DDB1: variants seen among roughly 807,000 people sequenced by gnomAD.
DDB1 encodes damage specific DNA binding protein 1, also known as DNA damage-binding protein 1.
DDB1 carries 18 observed loss-of-function variants against 133.1 expected under a neutral mutation model. The ratio of observed to expected loss-of-function variants is 0.14; its 90% CI spans 0.09 to 0.20. The LOEUF (loss-of-function observed/expected upper bound fraction) is 0.20, where lower values mean the gene tolerates loss of function less well. Among genes scored for constraint, DDB1 ranks in the 10% least tolerant of loss-of-function variants. The pLI, the probability that DDB1 is intolerant of heterozygous loss-of-function variation, is 1.00. For missense variants in DDB1, 828 were observed against 1,459.2 expected (o/e 0.57, Z 7.05); for synonymous variants, 580 against 550.5 (o/e 1.05, Z -0.75).
Position 61,305,016 on chromosome 11 carries a change from C to G in DDB1, c.2662-981G>C, listed in dbSNP as rs1855862926. ...AAATGGAGAGCTACTTGGCACGGCCCAGTGCTAAAGAAGACAGACTCAACC... is the reference window on the plus strand; with the variant it reads ...AAATGGAGAGCTACTTGGCACGGCCGAGTGCTAAAGAAGACAGACTCAACC... On this transcript the variant is annotated intron_variant, in intron 21 of 26. Coordinates refer to ENST00000301764, the MANE Select transcript of DDB1 (RefSeq NM_001923.5). Among the ~76,000 whole-genome samples the G allele has an allele frequency of 2.0e-5, 3 of 152,224 alleles. No homozygotes were observed. In the South Asian group the frequency reaches 6.2e-4, roughly 32 times the overall value.
In DDB1 at chr11:61,300,040, G is replaced by C. The variant is rs925997619; in HGVS notation, c.*96C>G. 1.6e-6 allele frequency: 2 copies of C among 1,267,862 alleles called. No homozygotes were observed. Among genetic ancestry groups the C allele is most frequent in the Admixed American group, 1.8e-5 (1 of 56,380 alleles). The allele number at this position is 1,267,862 out of a possible 1,614,324, so 78.5% of individuals were successfully genotyped here. A position where few individuals can be genotyped will look rare whatever the true frequency, so the allele number is the denominator to read the frequency against. On this transcript the variant is annotated 3_prime_UTR_variant, in exon 27 of 27. Transcript: ENST00000301764. The stretch of plus-strand genomic sequence containing the variant: ...CTGGGGGCAGCTGGCTTAGGGAAAG[G>C]CCTCCCATGGCCAAGAAGACGATGG...
intron 5 of DDB1, 121 bp downstream of exon 5, chr11:61,326,658 A>G (rs1590698911): frequency 1.2e-6 from 1 of 806,394 alleles, no homozygotes; most frequent in Non-Finnish European, 2.2e-6. Flanking sequence ...AGTGGTAAAC[A>G]ATGCACACCT....
chr11:61,323,482 ACT>A (rs1856219506), intron 7 of DDB1: 1 of 258,826 alleles, frequency 3.9e-6, no homozygotes. Context: ...ACCATGGCTC[ACT>A]GACTGCAACA....
In DDB1 at chr11:61,319,425, CTTTCTTTTTT is replaced by C. The variant is rs1255830347; in HGVS notation, c.1225+2160_1225+2169del. The stretch of plus-strand genomic sequence containing the variant: ...CTGGTAGGGCTAACATGTCTCACTG[CTTTCTTTTTT>C]TTTCTTTTTTTTTTTGAGATGGAGT... On this transcript the variant is annotated intron_variant, in intron 10 of 26. Transcript: ENST00000301764. 7.2e-5 allele frequency among the ~76,000 whole-genome samples: 11 copies of C among 151,814 alleles called. No individual in the cohort carries two copies. In the East Asian group the frequency reaches 7.8e-4, roughly 11 times the overall value.
chr11:61,322,476 T>C (rs1377749131), intron 8 of DDB1, 64 bp from the exon 9 acceptor site: 7 of 1,227,348 alleles, frequency 5.7e-6, no homozygotes, highest in Admixed American at 5.1e-5. Context: ...CCAAAAGAGA[T>C]GGTTATTGTC....
At chr11:61,329,640 G>A in intron 3 of DDB1, 56 bp from the exon 4 acceptor site, 2 of 1,510,270 alleles carry the variant, frequency 1.3e-6, no homozygotes, top group Admixed American at 2.0e-5. Flanking sequence ...AGCAACAGAG[G>A]ACGCTGGGCA....
At chr11:61,322,466 C>G in intron 8 of DDB1, 54 bp from the exon 9 acceptor site, 2 of 1,316,354 alleles carry the variant, frequency 1.5e-6, no homozygotes, top group East Asian at 2.3e-5. Context: ...ACAGACCCAC[C>G]CAAAAGAGAT....
intron 9 of DDB1, chr11:61,321,943 G>T: frequency 1.8e-6 from 1 of 548,614 alleles, no homozygotes; most frequent in Non-Finnish European, 3.2e-6. Flanking sequence ...TAGATCGCTG[G>T]GACCTAGTTT....
Position 61,331,525 on chromosome 11 carries a change from C to T in DDB1, c.210+18G>A, listed in dbSNP as rs1159133753. On this transcript the variant is annotated intron_variant, in intron 2 of 26. Coordinates refer to ENST00000301764, the MANE Select transcript of DDB1 (RefSeq NM_001923.5). ...CAACAGTTCCCCCTCCACTGCTTGT[C>T]CCAACTGCAACACTTACCTTGGGCC... The T allele has an allele frequency of 6.2e-7, 1 of 1,610,032 alleles. No homozygotes were observed. The highest frequency in any genetic ancestry group is 1.3e-5 in the African/African-American group (1 of 74,848).
intron 1 of DDB1, 33 bp from the exon 2 acceptor site, chr11:61,331,724 A>T (rs1427891972): frequency 6.2e-7 from 1 of 1,611,852 alleles, no homozygotes; most frequent in African/African-American, 1.3e-5. Flanking sequence ...TTTTGAACTC[A>T]GGGGAAGGGC....
intron 21 of DDB1, among the ~76,000 whole-genome samples, chr11:61,306,549 C>T (rs1326714536): frequency 1.3e-5 from 2 of 151,742 alleles, no homozygotes; most frequent in Admixed American, 1.3e-4. Context: ...CTTCTAATAC[C>T]CTCACCTCTT....
chr11:61,316,191 T>C (rs746710391), intron 12 of DDB1, 94 bp downstream of exon 12: 3 of 1,064,920 alleles, frequency 2.8e-6, no homozygotes, highest in Non-Finnish European at 2.8e-6. Context: ...TTTGGAGCCA[T>C]AAAAATTGGT....
intron 20 of DDB1, 110 bp downstream of exon 20, chr11:61,309,686 G>T (rs1424789555): frequency 5.9e-6 from 7 of 1,180,940 alleles, no homozygotes; most frequent in Non-Finnish European, 8.4e-6. Context: ...TTACAGCAAT[G>T]AACCCAACTT....
chr11:61,309,744 G>C (rs1362998099), intron 20 of DDB1, 52 bp downstream of exon 20: 2 of 1,580,350 alleles, frequency 1.3e-6, no homozygotes, highest in East Asian at 2.2e-5. Context: ...ATGGCCTGCT[G>C]ACTTTCTCAG....
chr11:61,303,931 C>T lies in DDB1; in HGVS notation c.2766G>A (p.Leu922=), dbSNP rs1855842546. 2 of 1,614,008 alleles carry T rather than the reference C, an allele frequency of 1.2e-6. No individual in the cohort carries two copies. The highest frequency in any genetic ancestry group is 1.7e-6 in the Non-Finnish European group (2 of 1,179,996). Residue 922 remains leucine (L), a synonymous_variant, in exon 22 of 27, where the codon CTG becomes CTA. Coordinates refer to ENST00000301764, the MANE Select transcript of DDB1 (RefSeq NM_001923.5). ...LYLKTKGDFI[L]VGDLMRSVLL... ...GCACTGAGCGCATAAGGTCGCCCAC[C>T]AGGATGAAGTCGCCCTTGGTCTTCA...
Position 61,317,514 on chromosome 11 carries a change from CTTAT to C in DDB1, c.1226-951_1226-948del, listed in dbSNP as rs1229511336. Among the ~76,000 whole-genome samples, 11 of 152,062 alleles carry C rather than the reference CTTAT, an allele frequency of 7.2e-5. No homozygotes were observed. In the East Asian group the frequency reaches 1.7e-3, roughly 24 times the overall value. ...CTAAATTTATTTATTTATTTATTTA[CTTAT>C]TTATTTGAGACGGAGTCTTGCTCTG... On this transcript the variant is annotated intron_variant, in intron 10 of 26. Transcript: ENST00000301764.
At chr11:61,321,740 C>T (rs1856183989) in intron 9 of DDB1, 43 bp from the exon 10 acceptor site, 3 of 1,552,634 alleles carry the variant, frequency 1.9e-6, no homozygotes, top group African/African-American at 1.4e-5. Context: ...CCTCAAGATA[C>T]TGGGCCAGTC....
chr11:61,310,788 G>C (rs1855952755), intron 18 of DDB1: 1 of 168,480 alleles, frequency 5.9e-6, no homozygotes, highest in Non-Finnish European at 1.3e-5. Flanking sequence ...TACGGAGGGA[G>C]GTCCTATCGC....
At chr11:61,309,161 CA>C (rs1317772052) in intron 20 of DDB1, 84 bp from the exon 21 acceptor site, 1 of 1,322,836 alleles carries the variant, frequency 7.6e-7, no homozygotes, top group Non-Finnish European at 1.1e-6. Context: ...CCCTGTGGTA[CA>C]AATTCTTGCC....
Sources: gnomAD v4.1 joint callset for allele counts (sites outside exome capture counted in the v4.1 genomes callset) on GRCh38, gnomAD v4.1.1 for gene constraint, MANE v1.5 for transcripts, NCBI Gene and HGNC (gene_info 2026-07-23, HGNC 2026-07-21) for gene names.